ZNF131: variants seen among roughly 807,000 people sequenced by gnomAD.
The protein encoded by ZNF131 is zinc finger and BTB domain containing 35.
Under a neutral mutation model 60.0 loss-of-function variants are expected in ZNF131, and 7 were observed. The observed-to-expected ratio is 0.12, with a 90% CI of 0.07 to 0.22. The LOEUF (loss-of-function observed/expected upper bound fraction) is 0.22. Among genes scored for constraint, ZNF131 ranks in the 10% least tolerant of loss-of-function variants. The pLI is 1.00. For synonymous variants in ZNF131, 257 were observed against 253.2 expected (o/e 1.01, Z -0.14); for missense variants, 493 against 740.9 (o/e 0.67, Z 3.88).
chr5:43,138,075 A>G (rs1216272232), intron 3 of ZNF131, among the ~76,000 whole-genome samples: 1 of 152,128 alleles, frequency 6.6e-6, no homozygotes, highest in Non-Finnish European at 1.5e-5. Flanking sequence ...ACGGGTTGCT[A>G]GGGGCTGGGA....
intron 5 of ZNF131, among the ~76,000 whole-genome samples, chr5:43,168,836 G>A: frequency 6.6e-6 from 1 of 152,196 alleles, no homozygotes; most frequent in East Asian, 1.9e-4. Flanking sequence ...GGATCAATAG[G>A]ATTTGGTGGT....
rs1751506094 is a variant in ZNF131 at position 43,175,734 on chromosome 5, ATC to A, written c.*602_*603del. The A allele has an allele frequency of 3.0e-6, 1 of 332,298 alleles. No individual in the cohort carries two copies. The highest frequency in any genetic ancestry group is 4.8e-5 in the Admixed American group (1 of 20,656). The allele number at this position is 332,298 out of a possible 1,614,324, so 20.6% of individuals were successfully genotyped here. A position where few individuals can be genotyped will look rare whatever the true frequency, so the allele number is the denominator to read the frequency against. On this transcript the variant is annotated 3_prime_UTR_variant, in exon 7 of 7. Coordinates refer to ENST00000682664, the MANE Select transcript of ZNF131 (RefSeq NM_001330707.2). ...TCTAGAATGTTAAAAAAAAAAAAAA[ATC>A]CACACCCATGTGCCTTCTCAAAACC...
chr5:43,144,522 G>A (rs1346527958), intron 4 of ZNF131, among the ~76,000 whole-genome samples: 4 of 152,024 alleles, frequency 2.6e-5, no homozygotes, highest in African/African-American at 7.2e-5. Flanking sequence ...GAGCCATCAC[G>A]TCCAGTCTGT....
At chr5:43,131,823 G>T (rs1470592834) in intron 3 of ZNF131, among the ~76,000 whole-genome samples, 1 of 149,364 alleles carries the variant, frequency 6.7e-6, no homozygotes, top group Non-Finnish European at 1.5e-5. Flanking sequence ...AAAAAAAAAT[G>T]GGGGGACTTT....
At chr5:43,160,709 G>C (rs1749584445) in intron 4 of ZNF131, among the ~76,000 whole-genome samples, 1 of 104,584 alleles carries the variant, frequency 9.6e-6, no homozygotes, top group Non-Finnish European at 2.0e-5. Flanking sequence ...TTGAGACAGA[G>C]TTTCGCTCTT....
At chr5:43,135,985 C>T (rs993260766) in intron 3 of ZNF131, among the ~76,000 whole-genome samples, 4 of 152,150 alleles carry the variant, frequency 2.6e-5, no homozygotes, top group Admixed American at 6.6e-5. Context: ...TATGGTGGTG[C>T]GTGCCTGTAG....
intron 3 of ZNF131, among the ~76,000 whole-genome samples, chr5:43,138,007 T>C (rs1190625851): frequency 6.6e-6 from 1 of 152,148 alleles, no homozygotes; most frequent in Non-Finnish European, 1.5e-5. Context: ...ATATGAGGAA[T>C]CTAAAATAGT....
intron 4 of ZNF131, among the ~76,000 whole-genome samples, chr5:43,143,204 G>A (rs547795977): frequency 6.6e-6 from 1 of 152,014 alleles, no homozygotes; most frequent in East Asian, 1.9e-4. Context: ...TGTATTTTTA[G>A]TAGAGATGGG....
intron 4 of ZNF131, among the ~76,000 whole-genome samples, chr5:43,145,695 A>T (rs891908798): frequency 1.3e-5 from 2 of 152,172 alleles, no homozygotes; most frequent in Non-Finnish European, 2.9e-5. Context: ...ATTTACCTCA[A>T]CACTTGTACT....
At chr5:43,170,088 A>T (rs1750798530) in intron 5 of ZNF131, among the ~76,000 whole-genome samples, 1 of 152,232 alleles carries the variant, frequency 6.6e-6, no homozygotes. Flanking sequence ...AAAGATTATC[A>T]AATTGTCATT....
chr5:43,123,340 A>G (rs1321794714), intron 3 of ZNF131, 30 bp downstream of exon 3: 3 of 1,554,810 alleles, frequency 1.9e-6, no homozygotes, highest in East Asian at 4.5e-5. Flanking sequence ...TTTTTATTTA[A>G]TAAATCAAAG....
chr5:43,174,389 C>A, intron 6 of ZNF131, 58 bp from the exon 7 acceptor site: 1 of 1,398,324 alleles, frequency 7.2e-7, no homozygotes, highest in South Asian at 1.5e-5. Flanking sequence ...TAAATGCATT[C>A]ATATTTCCTT....
intron 3 of ZNF131, among the ~76,000 whole-genome samples, chr5:43,134,545 G>A (rs1341251078): frequency 6.6e-6 from 1 of 152,074 alleles, no homozygotes; most frequent in Non-Finnish European, 1.5e-5. Flanking sequence ...ATCCAAGTAA[G>A]AAAGGAAGGA....
intron 4 of ZNF131, among the ~76,000 whole-genome samples, chr5:43,147,263 C>A (rs1747714356): frequency 6.6e-6 from 1 of 151,642 alleles, no homozygotes; most frequent in African/African-American, 2.4e-5. Flanking sequence ...TAAAATAATG[C>A]TACTGTATAC....
intron 4 of ZNF131, among the ~76,000 whole-genome samples, chr5:43,153,921 C>T (rs990677493): frequency 1.3e-5 from 2 of 152,196 alleles, no homozygotes; most frequent in Non-Finnish European, 2.9e-5. Flanking sequence ...TGGATGGTAG[C>T]ATGAAACATC....
intron 3 of ZNF131, among the ~76,000 whole-genome samples, chr5:43,128,917 T>C (rs1744944144): frequency 6.6e-6 from 1 of 151,912 alleles, no homozygotes; most frequent in Non-Finnish European, 1.5e-5. Flanking sequence ...GTCTTTGTAT[T>C]TTTATTTATT....
chr5:43,146,285 T>C (rs1430571732), intron 4 of ZNF131, among the ~76,000 whole-genome samples: 1 of 152,150 alleles, frequency 6.6e-6, no homozygotes, highest in Non-Finnish European at 1.5e-5. Context: ...ATTACATTAT[T>C]GTTAACTTAA....
chr5:43,126,018 G>A (rs536113181), intron 3 of ZNF131, among the ~76,000 whole-genome samples: 209 of 152,252 alleles, frequency 1.4e-3, no homozygotes, highest in Middle Eastern at 3.4e-3. Context: ...TAATTAATTT[G>A]GTTCAGTATC....
intron 3 of ZNF131, among the ~76,000 whole-genome samples, chr5:43,132,329 G>T (rs1239469694): frequency 6.6e-6 from 1 of 152,036 alleles, no homozygotes; most frequent in Non-Finnish European, 1.5e-5. Context: ...TTGCTTATTT[G>T]GTAGAGTGTA....
Sources: gnomAD v4.1 joint callset for allele counts (sites outside exome capture counted in the v4.1 genomes callset) on GRCh38, gnomAD v4.1.1 for gene constraint, MANE v1.5 for transcripts, NCBI Gene and HGNC (gene_info 2026-07-23, HGNC 2026-07-21) for gene names.